SERPINI1: variants seen among roughly 807,000 people sequenced by gnomAD.
The protein encoded by SERPINI1 is neuroserpin.
SERPINI1 carries 19 observed loss-of-function variants against 41.1 expected under a neutral mutation model. The ratio of observed to expected loss-of-function variants is 0.46; its 90% confidence interval spans 0.32 to 0.68. SERPINI1 has a LOEUF of 0.68. Ranked by LOEUF, SERPINI1 falls within the 30% of genes least tolerant of loss-of-function variation. SERPINI1 has a pLI of 0.03. For synonymous variants in SERPINI1, 138 were observed against 156.6 expected (o/e 0.88, Z 0.89); for missense variants, 460 against 479.2 (o/e 0.96, Z 0.37).
intron 1 of SERPINI1, among the ~76,000 whole-genome samples, chr3:167,744,817 TTATA>T (rs200133328): frequency 8.2e-6 from 1 of 122,118 alleles, no homozygotes; most frequent in Non-Finnish European, 1.7e-5. Flanking sequence ...ATAAATATAG[TTATA>T]TATATAATAT....
chr3:167,788,727 T>C (rs1485910237), intron 1 of SERPINI1, among the ~76,000 whole-genome samples: 1 of 152,248 alleles, frequency 6.6e-6, no homozygotes, highest in East Asian at 1.9e-4. Flanking sequence ...TGCCTAGTGG[T>C]GCTAGTTCAT....
In SERPINI1 at chr3:167,735,738, A is replaced by G. The variant is rs960742105; in HGVS notation, c.-104A>G. The stretch of plus-strand genomic sequence containing the variant: ...TCTGGACTGTAGTTTCCCGGGAGAG[A>G]CGAAAGCAGGAACGAGAGCGGAGCG... On this transcript the variant is annotated 5_prime_UTR_variant, in exon 1 of 9. Coordinates refer to ENST00000446050, the MANE Select transcript of SERPINI1 (RefSeq NM_001122752.2). The G allele has an allele frequency of 2.0e-5, 3 of 152,304 alleles. No individual in the cohort carries two copies. The highest frequency in any genetic ancestry group is 7.2e-5 in the African/African-American group (3 of 41,446). The allele number at this position is 152,304 out of a possible 1,614,324, so 9.4% of individuals were successfully genotyped here.
intron 4 of SERPINI1, among the ~76,000 whole-genome samples, chr3:167,794,388 T>G (rs549676327): frequency 4.3e-4 from 66 of 152,264 alleles, no homozygotes; most frequent in Admixed American, 1.1e-3. Flanking sequence ...AAGAAACATA[T>G]ATAACAAATT....
At position 167,824,504 on chromosome 3, in the gene SERPINI1, G is replaced by A; in HGVS notation, c.1098G>A (p.Leu366=). 4 of 1,613,488 alleles carry A rather than the reference G, an allele frequency of 2.5e-6. No individual in the cohort carries two copies. Among genetic ancestry groups the A allele is most frequent in the Non-Finnish European group, 3.4e-6 (4 of 1,179,630 alleles). The change falls in exon 8 of 9, where the codon CTG becomes CTA. Residue 366 remains leucine, a synonymous_variant. Coordinates refer to ENST00000446050, the MANE Select transcript of SERPINI1 (RefSeq NM_001122752.2). ...TTGCAATTAGTAGGATGGCTGTGCT[G>A]TATCCTCAAGTTATTGTCGACCATC... ...GMIAISRMAV[L]YPQVIVDHPF...
intron 1 of SERPINI1, among the ~76,000 whole-genome samples, chr3:167,777,936 T>C (rs1397825504): frequency 1.3e-5 from 2 of 152,162 alleles, no homozygotes; most frequent in African/African-American, 4.8e-5. Context: ...TGGTAGGAGT[T>C]TGGCCTCCTT....
chr3:167,739,358 T>C (rs1162709773), intron 1 of SERPINI1, among the ~76,000 whole-genome samples: 1 of 152,216 alleles, frequency 6.6e-6, no homozygotes, highest in Non-Finnish European at 1.5e-5. Context: ...TGCGCTTTGA[T>C]AGACAGAGTC....
chr3:167,822,985 G>T lies in SERPINI1; in HGVS notation c.980-1G>T. 1 of 1,581,474 alleles carries T rather than the reference G, an allele frequency of 6.3e-7. No individual in the cohort carries two copies. The highest frequency in any genetic ancestry group is 8.7e-7 in the Non-Finnish European group (1 of 1,150,562). On this transcript the variant is annotated splice_acceptor_variant, in intron 6 of 8. Transcript: ENST00000446050. LOFTEE classifies it high-confidence loss of function. Reference sequence around the variant, plus strand: ...AAAAATTTCTGATTCTCTTTTTGCAGATAATAAGGAGATTTTTCTTTCCAA... The same window carrying T: ...AAAAATTTCTGATTCTCTTTTTGCATATAATAAGGAGATTTTTCTTTCCAA...
chr3:167,756,816 C>T (rs981158795), intron 1 of SERPINI1, among the ~76,000 whole-genome samples: 2 of 152,172 alleles, frequency 1.3e-5, no homozygotes, highest in Non-Finnish European at 2.9e-5. Context: ...AAGACCAGAA[C>T]ATCTAAGTAT....
At chr3:167,801,720 G>A (rs941110478) in intron 5 of SERPINI1, among the ~76,000 whole-genome samples, 2 of 152,034 alleles carry the variant, frequency 1.3e-5, no homozygotes, top group African/African-American at 4.8e-5. Context: ...CAATATATGG[G>A]AGATAACGAT....
At chr3:167,768,011 G>T (rs1292649992) in intron 1 of SERPINI1, among the ~76,000 whole-genome samples, 1 of 152,178 alleles carries the variant, frequency 6.6e-6, no homozygotes, top group Non-Finnish European at 1.5e-5. Context: ...CAATGGTAGG[G>T]TTTGAGAGGA....
chr3:167,763,649 C>T (rs759200907), intron 1 of SERPINI1, among the ~76,000 whole-genome samples: 2 of 152,154 alleles, frequency 1.3e-5, no homozygotes, highest in Non-Finnish European at 1.5e-5. Flanking sequence ...TCTACCAGCT[C>T]GTTTTCCACA....
At chr3:167,779,426 C>A (rs1473337554) in intron 1 of SERPINI1, among the ~76,000 whole-genome samples, 1 of 152,098 alleles carries the variant, frequency 6.6e-6, no homozygotes, top group East Asian at 1.9e-4. Context: ...TGCAAACTGG[C>A]CAATATCCAC....
chr3:167,783,864 G>A (rs908208564), intron 1 of SERPINI1, among the ~76,000 whole-genome samples: 12 of 152,192 alleles, frequency 7.9e-5, no homozygotes, highest in South Asian at 4.1e-4. Context: ...GGATAGACAC[G>A]TGTGTTTCCA....
chr3:167,809,282 G>A (rs1011931288), intron 6 of SERPINI1, among the ~76,000 whole-genome samples: 1 of 152,166 alleles, frequency 6.6e-6, no homozygotes. Context: ...AGAGAAATCT[G>A]TCTTACCATA....
intron 1 of SERPINI1, among the ~76,000 whole-genome samples, chr3:167,766,427 T>A (rs1726568969): frequency 6.6e-6 from 1 of 152,092 alleles, no homozygotes; most frequent in Non-Finnish European, 1.5e-5. Flanking sequence ...GAGAACAGCC[T>A]AAGAAAGACA....
At chr3:167,772,616 G>A (rs887604615) in intron 1 of SERPINI1, among the ~76,000 whole-genome samples, 5 of 151,712 alleles carry the variant, frequency 3.3e-5, no homozygotes, top group African/African-American at 1.2e-4. Context: ...AAAAAGTGAA[G>A]TCAAGAGAAT....
intron 1 of SERPINI1, among the ~76,000 whole-genome samples, chr3:167,754,640 A>G (rs1726143032): frequency 6.6e-6 from 1 of 152,156 alleles, no homozygotes. Flanking sequence ...AATCAGATAA[A>G]TCCACTAGAA....
At chr3:167,794,405 T>C (rs1202174139) in intron 4 of SERPINI1, among the ~76,000 whole-genome samples, 3 of 152,212 alleles carry the variant, frequency 2.0e-5, no homozygotes, top group Non-Finnish European at 4.4e-5. Flanking sequence ...AATTTAAACC[T>C]TTTTATTTAT....
chr3:167,791,258 A>G lies in SERPINI1; in HGVS notation c.481+656A>G, dbSNP rs3804615. ...ATCACAGTCCTAAAATTGAGACTAA[A>G]TTAAAAGTAAATTTTTATAGCTGTT... On this transcript the variant is annotated intron_variant, in intron 3 of 8. Transcript: ENST00000446050. 3.9e-5 allele frequency among the ~76,000 whole-genome samples: 6 copies of G among 152,296 alleles called. No homozygotes were observed. The East Asian group carries it at 1.2e-3, about 29-fold the overall frequency.
Sources: allele counts gnomAD v4.1 joint callset (sites outside exome capture counted in the v4.1 genomes callset), GRCh38; gene constraint gnomAD v4.1.1; transcripts MANE v1.5; gene names NCBI Gene and HGNC (gene_info 2026-07-23, HGNC 2026-07-21).